G3BP1: variants seen among roughly 807,000 people sequenced by gnomAD.
G3BP1 encodes the protein ras GTPase-activating protein-binding protein 1.
G3BP1 carries 35 observed loss-of-function variants against 58.6 expected under a neutral mutation model. That is an observed-to-expected ratio of 0.60 (90% CI 0.46 to 0.79). G3BP1 has a LOEUF of 0.79. Ranked by LOEUF, G3BP1 falls within the 30% of genes least tolerant of loss-of-function variation. G3BP1 has a pLI of 0.00. For missense variants in G3BP1, 523 were observed against 580.8 expected (o/e 0.90, Z 1.02); for synonymous variants, 191 against 195.4 (o/e 0.98, Z 0.19).
Position 151,808,467 on chromosome 5 carries a change from A to G in G3BP1, c.*4376A>G, listed in dbSNP as rs1017945098. On this transcript the variant is annotated 3_prime_UTR_variant, in exon 12 of 12. Coordinates refer to ENST00000356245, the MANE Select transcript of G3BP1 (RefSeq NM_005754.3). ...TGTGTTGGCTTGCAATTAGGTTTTT[A>G]GTTTCTGTTTATGTGACTTGTTTGA... is the stretch of plus-strand genomic sequence containing the variant. The G allele has an allele frequency of 6.6e-6, 1 of 152,180 alleles. No homozygotes were observed. The highest frequency in any genetic ancestry group is 1.5e-5 in the Non-Finnish European group (1 of 68,018). 9.4% of individuals were successfully genotyped at this position (152,180 alleles called of 1,614,324 possible). A position where few individuals can be genotyped will look rare whatever the true frequency, so the allele number is the denominator to read the frequency against.
At chr5:151,772,271 C>T (rs1266567320) in intron 1 of G3BP1, 2 of 151,134 alleles carry the variant, frequency 1.3e-5, no homozygotes, top group Non-Finnish European at 3.0e-5. Context: ...CGTGCGCGTG[C>T]TGCGTCCAAC....
At chr5:151,795,620 C>G in intron 6 of G3BP1, 45 bp downstream of exon 6, 4 of 901,282 alleles carry the variant, frequency 4.4e-6, no homozygotes, top group South Asian at 1.4e-5. Flanking sequence ...TAAGAACTTG[C>G]ATTGTCTAGT....
In G3BP1 at chr5:151,790,598, G is replaced by A. The variant is rs562677791; in HGVS notation, c.177+194G>A. ...ATGTGATGTCAGATTTGTTAATTTT[G>A]TATGATATATTCTAAAGCTTTTGTG... is the stretch of plus-strand genomic sequence containing the variant. On this transcript the variant is annotated intron_variant, in intron 3 of 11. Coordinates refer to ENST00000356245, the MANE Select transcript of G3BP1 (RefSeq NM_005754.3). Among the ~76,000 whole-genome samples, 10 of 152,212 alleles carry A rather than the reference G, an allele frequency of 6.6e-5. No homozygotes were observed. The South Asian group carries it at 2.1e-3, about 31-fold the overall frequency.
intron 1 of G3BP1, 123 bp downstream of exon 1, chr5:151,772,159 C>T (rs1762275016): frequency 6.6e-6 from 1 of 150,976 alleles, no homozygotes; most frequent in South Asian, 2.1e-4. Flanking sequence ...CCACCCCAAC[C>T]CCCACCCCAA....
intron 1 of G3BP1, among the ~76,000 whole-genome samples, chr5:151,783,410 A>AT (rs141266723): frequency 0.015 from 2,240 of 146,048 alleles, 46 homozygotes; most frequent in African/African-American, 0.047. Flanking sequence ...AAATAAACAG[A>AT]TTTTTTTTTT....
chr5:151,796,696 TATC>T (rs1762757403), intron 6 of G3BP1, among the ~76,000 whole-genome samples: 3 of 152,200 alleles, frequency 2.0e-5, no homozygotes, highest in African/African-American at 7.2e-5. Context: ...AAAAGCCACA[TATC>T]ATAAAATTTG....
chr5:151,788,161 G>C (rs1218889036), intron 2 of G3BP1, among the ~76,000 whole-genome samples: 1 of 151,932 alleles, frequency 6.6e-6, no homozygotes, highest in Admixed American at 6.6e-5. Flanking sequence ...CAATTCGCCT[G>C]CTTCAGCCTT....
chr5:151,791,193 C>T (rs1489453009), intron 4 of G3BP1, 131 bp downstream of exon 4: 2 of 723,282 alleles, frequency 2.8e-6, no homozygotes, highest in Non-Finnish European at 5.0e-6. Flanking sequence ...TACACTAACT[C>T]CTATATACTC....
At position 151,806,791 on chromosome 5, in the gene G3BP1, T is replaced by C. The variant is rs897324150; in HGVS notation, c.*2700T>C. ...AGCTTAGAACTCTTGACCCATGAGA[T>C]TTTTTTTTTAAATTTTTATTTTTAT... On this transcript the variant is annotated 3_prime_UTR_variant, in exon 12 of 12. Coordinates refer to ENST00000356245, the MANE Select transcript of G3BP1 (RefSeq NM_005754.3). The C allele has an allele frequency of 1.2e-4, 18 of 150,392 alleles. No homozygotes were observed. Among genetic ancestry groups the C allele is most frequent in the African/African-American group, 4.4e-4 (18 of 41,116 alleles). 9.3% of individuals were successfully genotyped at this position (150,392 alleles called of 1,614,324 possible). A position where few individuals can be genotyped will look rare whatever the true frequency, so the allele number is the denominator to read the frequency against.
chr5:151,800,350 G>T lies in G3BP1; in HGVS notation c.1084+4G>T. 1.2e-6 allele frequency: 2 copies of T among 1,612,022 alleles called. No homozygotes were observed. The highest frequency in any genetic ancestry group is 1.1e-5 in the South Asian group (1 of 91,028). ...GAGCTTAAAGATTTCTTTCAAAGTA[G>T]GTTATTGAGTTTTGAACACTAAATT... On this transcript the variant is annotated splice_donor_region_variant and intron_variant, in intron 10 of 11. Coordinates refer to ENST00000356245, the MANE Select transcript of G3BP1 (RefSeq NM_005754.3).
At chr5:151,773,676 A>C (rs1329325072) in intron 1 of G3BP1, among the ~76,000 whole-genome samples, 1 of 152,218 alleles carries the variant, frequency 6.6e-6, no homozygotes, top group Non-Finnish European at 1.5e-5. Context: ...ACATGTTTCT[A>C]TAACAGTATT....
chr5:151,772,248 G>T (rs1272060899), intron 1 of G3BP1: 2 of 150,836 alleles, frequency 1.3e-5, no homozygotes, highest in African/African-American at 4.8e-5. Context: ...GGGGCGCGTG[G>T]CCGTGTCCGC....
At chr5:151,784,199 A>T (rs938117135) in intron 1 of G3BP1, among the ~76,000 whole-genome samples, 3 of 152,186 alleles carry the variant, frequency 2.0e-5, no homozygotes, top group South Asian at 2.1e-4. Flanking sequence ...GGGCCCTAGC[A>T]TTCCTCGTGC....
In G3BP1 at chr5:151,807,519, T is replaced by C. The variant is rs1456146590; in HGVS notation, c.*3428T>C. ...TTGGGTTTTGTGAGTCTTTTTTTGA[T>C]TTGCAGATTATATATGGTAACACAA... On this transcript the variant is annotated 3_prime_UTR_variant, in exon 12 of 12. Transcript: ENST00000356245. 10 of 152,230 alleles carry C rather than the reference T, an allele frequency of 6.6e-5. No homozygotes were observed. Among genetic ancestry groups the C allele is most frequent in the Non-Finnish European group, 1.3e-4 (9 of 68,042 alleles). 9.4% of individuals were successfully genotyped at this position (152,230 alleles called of 1,614,324 possible). A position where few individuals can be genotyped will look rare whatever the true frequency, so the allele number is the denominator to read the frequency against.
chr5:151,804,385 A>ATTTT lies in G3BP1; in HGVS notation c.*307_*310dup. 5.1e-6 allele frequency: 1 copy of ATTTT among 197,110 alleles called. No individual in the cohort carries two copies. Among genetic ancestry groups the ATTTT allele is most frequent in the Non-Finnish European group, 9.8e-6 (1 of 102,524 alleles). The allele number at this position is 197,110 out of a possible 1,614,324, so 12.2% of individuals were successfully genotyped here. A position where few individuals can be genotyped will look rare whatever the true frequency, so the allele number is the denominator to read the frequency against. On this transcript the variant is annotated 3_prime_UTR_variant, in exon 12 of 12. Coordinates refer to ENST00000356245, the MANE Select transcript of G3BP1 (RefSeq NM_005754.3). The stretch of plus-strand genomic sequence containing the variant: ...TGCTTACTTTGCATATACAGACTGG[A>ATTTT]TTTTTTTTTTTTTTTTACAGCCATT...
intron 1 of G3BP1, among the ~76,000 whole-genome samples, chr5:151,774,422 TTG>T (rs1301824830): frequency 2.0e-5 from 3 of 152,026 alleles, no homozygotes; most frequent in Non-Finnish European, 4.4e-5. Flanking sequence ...TTGTAAAAGT[TTG>T]TGAATTTTAT....
chr5:151,797,847 G>A (rs1255452750), intron 7 of G3BP1, among the ~76,000 whole-genome samples: 1 of 152,178 alleles, frequency 6.6e-6, no homozygotes, highest in Non-Finnish European at 1.5e-5. Flanking sequence ...TAACTTTATA[G>A]TGGAAGTAGA....
At chr5:151,779,402 AGTT>A (rs1402028817) in intron 1 of G3BP1, among the ~76,000 whole-genome samples, 1 of 151,994 alleles carries the variant, frequency 6.6e-6, no homozygotes, top group Admixed American at 6.6e-5. Flanking sequence ...TTTCAGTACC[AGTT>A]GTTGAAGAGA....
chr5:151,777,884 A>G (rs2113216261), intron 1 of G3BP1, among the ~76,000 whole-genome samples: 1 of 149,192 alleles, frequency 6.7e-6, no homozygotes, highest in East Asian at 1.9e-4. Flanking sequence ...ACTGTAGATT[A>G]CTTTGCGTTT....
Sources: allele counts gnomAD v4.1 joint callset (sites outside exome capture counted in the v4.1 genomes callset), GRCh38; gene constraint gnomAD v4.1.1; transcripts MANE v1.5; gene names NCBI Gene and HGNC (gene_info 2026-07-23, HGNC 2026-07-21).